RPF1: variants seen among roughly 807,000 people sequenced by gnomAD.
The protein encoded by RPF1 is ribosome production factor 1.
RPF1 carries 34 observed loss-of-function variants against 41.9 expected under a neutral mutation model. The observed-to-expected ratio is 0.81, with a 90% CI of 0.62 to 1.08. The LOEUF is 1.08. Ranked by LOEUF, RPF1 falls within the 50% of genes least tolerant of loss-of-function variation. The probability of loss-of-function intolerance (pLI) is 0.00; values close to 1 mark genes in which losing one functional copy is unlikely to be tolerated. For missense variants in RPF1, 425 were observed against 435.2 expected, an observed-to-expected ratio of 0.98 and a Z score of 0.21; for synonymous variants, 140 against 148.9, an observed-to-expected ratio of 0.94 and a Z score of 0.43.
intron 5 of RPF1, among the ~76,000 whole-genome samples, chr1:84,491,943 T>G (rs1392253265): frequency 1.3e-5 from 2 of 152,170 alleles, no homozygotes; most frequent in Admixed American, 1.3e-4. Context: ...AGCAGATTGC[T>G]TGAGGTCAGG....
At chr1:84,495,752 T>G (rs1681924112) in intron 6 of RPF1, 130 bp from the exon 7 acceptor site, 1 of 599,872 alleles carries the variant, frequency 1.7e-6, no homozygotes, top group African/African-American at 1.9e-5. Flanking sequence ...ATAAGCCATC[T>G]GTGGTAGTTT....
At chr1:84,494,061 T>A (rs1006577037) in intron 5 of RPF1, among the ~76,000 whole-genome samples, 4 of 152,216 alleles carry the variant, frequency 2.6e-5, no homozygotes, top group African/African-American at 9.6e-5. Context: ...GGTACAGATA[T>A]AATGAAACAG....
In RPF1 at chr1:84,489,636, G is replaced by A. The variant is rs570012820; in HGVS notation, c.370G>A (p.Ala124Thr). The change falls in exon 4 of 9, where the codon GCT (alanine) becomes ACT (threonine). Residue 124 changes from alanine (A) to threonine (T), a missense_variant. By Grantham distance (58) the Ala-to-Thr change is moderately conservative. Coordinates refer to ENST00000370654, the MANE Select transcript of RPF1 (RefSeq NM_025065.7). ...TATTCCTCTTCTCTGTTCTCAGGTC[G>A]CTTATGATGAAGCTACAGATGAATT... The part of the protein sequence containing the change: ...TTVDPNDEEV[A>T]YDEATDEFAS... The A allele has an allele frequency of 1.7e-5, 27 of 1,576,860 alleles. No homozygotes were observed. The highest frequency in any genetic ancestry group is 1.2e-4 in the African/African-American group (9 of 74,314).
intron 5 of RPF1, among the ~76,000 whole-genome samples, chr1:84,493,223 TAATA>T (rs1310232588): frequency 6.6e-6 from 1 of 151,810 alleles, no homozygotes; most frequent in Non-Finnish European, 1.5e-5. Context: ...CTAGACCCCT[TAATA>T]AATACTTTTG....
intron 3 of RPF1, among the ~76,000 whole-genome samples, chr1:84,484,057 T>TAA (rs1355643509): frequency 1.3e-5 from 2 of 152,186 alleles, no homozygotes; most frequent in African/African-American, 4.8e-5. Context: ...ATAAATAAGT[T>TAA]AGACATATGT....
At chr1:84,490,934 C>T (rs1681823319) in intron 5 of RPF1, among the ~76,000 whole-genome samples, 3 of 152,142 alleles carry the variant, frequency 2.0e-5, no homozygotes, top group South Asian at 4.1e-4. Flanking sequence ...GAGAAAAGCG[C>T]TCAGTGCAGA....
At chr1:84,480,870 A>C (rs1681633247) in intron 1 of RPF1, 86 bp from the exon 2 acceptor site, 1 of 736,382 alleles carries the variant, frequency 1.4e-6, no homozygotes, top group South Asian at 1.6e-5. Flanking sequence ...GAGTATTCAT[A>C]GCATTAGTAA....
rs150125636 is a variant in RPF1 at position 84,490,421 on chromosome 1, G to A, written c.565G>A (p.Ala189Thr). The A allele has an allele frequency of 2.3e-4, 375 of 1,609,618 alleles. No individual in the cohort carries two copies. Among genetic ancestry groups the A allele is most frequent in the Non-Finnish European group, 2.8e-4 (330 of 1,178,424 alleles). Reference sequence around the variant, plus strand: ...GAAAAAAATTATTCCACAGTGCATCGCAAGAGATTTCACAGACCTGATTGT... The same window carrying A: ...GAAAAAAATTATTCCACAGTGCATCACAAGAGATTTCACAGACCTGATTGT... The part of the protein sequence containing the change: ...ALKKIIPQCI[A>T]RDFTDLIVIN... The change falls in exon 5 of 9, where the codon GCA becomes ACA. Residue 189 changes from alanine (A) to threonine (T), a missense_variant. Physicochemically the swap from Ala to Thr is moderately conservative, Grantham distance 58. Transcript: ENST00000370654.
At position 84,479,525 on chromosome 1, in the gene RPF1, G is replaced by A; in HGVS notation, c.228+16G>A. ...GCAGCGGAAGGTACGCGAGAGGCGGGGGCTGCCGGGCGCTTGCGCGTTGTT... is the reference window on the plus strand; with the variant it reads ...GCAGCGGAAGGTACGCGAGAGGCGGAGGCTGCCGGGCGCTTGCGCGTTGTT... On this transcript the variant is annotated intron_variant, in intron 1 of 8. Transcript: ENST00000370654. 1.9e-6 allele frequency: 3 copies of A among 1,611,276 alleles called. No individual in the cohort carries two copies. The highest frequency in any genetic ancestry group is 8.5e-7 in the Non-Finnish European group (1 of 1,177,888).
At chr1:84,493,776 C>CTCAT (rs1681880917) in intron 5 of RPF1, among the ~76,000 whole-genome samples, 1 of 152,090 alleles carries the variant, frequency 6.6e-6, no homozygotes, top group Admixed American at 6.5e-5. Context: ...ATGAGTAAAA[C>CTCAT]GTTGCAGGTA....
intron 3 of RPF1, among the ~76,000 whole-genome samples, chr1:84,485,639 C>G (rs1288921179): frequency 1.3e-5 from 2 of 152,158 alleles, no homozygotes; most frequent in Non-Finnish European, 2.9e-5. Flanking sequence ...CAAGAGTCAC[C>G]TGATAATTTT....
chr1:84,480,312 A>C (rs1406621559), intron 1 of RPF1, among the ~76,000 whole-genome samples: 1 of 152,168 alleles, frequency 6.6e-6, no homozygotes, highest in Non-Finnish European at 1.5e-5. Context: ...TATGATTTCT[A>C]ATCTGAAACC....
chr1:84,485,408 CTT>C (rs1226234241), intron 3 of RPF1, among the ~76,000 whole-genome samples: 2 of 152,122 alleles, frequency 1.3e-5, no homozygotes, highest in Admixed American at 6.5e-5. Context: ...GTAAAGGTAA[CTT>C]TTATACAATA....
At chr1:84,497,386 T>A (rs1288408811) in intron 8 of RPF1, 43 bp from the exon 9 acceptor site, 1 of 1,520,378 alleles carries the variant, frequency 6.6e-7, no homozygotes, top group Non-Finnish European at 9.1e-7. Flanking sequence ...AATTATATTT[T>A]TGTTTTGTTT....
At position 84,490,403 on chromosome 1, in the gene RPF1, A is replaced by G. The variant is rs979974680; in HGVS notation, c.547A>G (p.Ile183Val). The change falls in exon 5 of 9, where the codon ATT becomes GTT. Residue 183 changes from isoleucine (I) to valine (V), a missense_variant. Transcript: ENST00000370654. ...CAGAAGAGGACTGGCTCTGAAAAAA[A>G]TTATTCCACAGTGCATCGCAAGAGA... Reference protein sequence around the residue: ...YYRRGLALKKIIPQCIARDFT... With the variant: ...YYRRGLALKKVIPQCIARDFT... The G allele has an allele frequency of 1.2e-6, 2 of 1,612,442 alleles. No homozygotes were observed. Among genetic ancestry groups the G allele is most frequent in the Non-Finnish European group, 1.7e-6 (2 of 1,179,220 alleles).
intron 3 of RPF1, among the ~76,000 whole-genome samples, chr1:84,487,706 G>C (rs1271216455): frequency 2.0e-5 from 3 of 152,054 alleles, no homozygotes; most frequent in Non-Finnish European, 4.4e-5. Flanking sequence ...AATAATTAAA[G>C]AGTTGCCTCT....
Position 84,495,948 on chromosome 1 carries a change from G to T in RPF1, c.766G>T (p.Gly256Cys). Residue 256 changes from glycine (G) to cysteine (C), a missense_variant, in exon 7 of 9, where the codon GGT becomes TGT. Coordinates refer to ENST00000370654, the MANE Select transcript of RPF1 (RefSeq NM_025065.7). ...IILNNFTTRL[G>C]HSIGRMFASL... Reference sequence around the variant, plus strand: ...TCTGAATAATTTTACAACACGGCTGGGTCATTCAATTGGACGTATGTTTGC... The same window carrying T: ...TCTGAATAATTTTACAACACGGCTGTGTCATTCAATTGGACGTATGTTTGC... 1 of 1,611,090 alleles carries T rather than the reference G, an allele frequency of 6.2e-7. No homozygotes were observed. Among genetic ancestry groups the T allele is most frequent in the Non-Finnish European group, 8.5e-7 (1 of 1,177,360 alleles).
chr1:84,493,332 C>CAAA (rs376130673), intron 5 of RPF1, among the ~76,000 whole-genome samples: 1 of 104,070 alleles, frequency 9.6e-6, no homozygotes, highest in Middle Eastern at 5.3e-3. Flanking sequence ...GCACTACTAT[C>CAAA]AAAAAAAAAA....
chr1:84,495,595 T>C (rs1480812740), intron 6 of RPF1, 140 bp downstream of exon 6: 2 of 581,186 alleles, frequency 3.4e-6, no homozygotes, highest in African/African-American at 1.9e-5. Flanking sequence ...AATCTATCAA[T>C]TCTCTTGGGA....
Sources: gnomAD v4.1 joint callset for allele counts (sites outside exome capture counted in the v4.1 genomes callset) on GRCh38, gnomAD v4.1.1 for gene constraint, MANE v1.5 for transcripts, NCBI Gene and HGNC (gene_info 2026-07-23, HGNC 2026-07-21) for gene names.